ROBO1: variants seen among roughly 807,000 people sequenced by gnomAD.
ROBO1 encodes roundabout homolog 1.
In ROBO1, 149 loss-of-function variants were observed where a neutral mutation model predicts 195.9. The observed-to-expected ratio is 0.76, with a 90% CI of 0.67 to 0.87. ROBO1 has a LOEUF of 0.87. ROBO1 is among the 40% of genes least tolerant of loss of function. ROBO1 has a pLI of 0.00. For synonymous variants in ROBO1, 816 were observed against 733.2 expected (o/e 1.11, Z -1.82); for missense variants, 1,933 against 2,068.3 (o/e 0.93, Z 1.27).
rs1575913631 is a variant in ROBO1, at chr3:79,495,034, T to C, written c.88+94790A>G. On this transcript the variant is annotated intron_variant, in intron 2 of 30. Transcript: ENST00000464233. ...ATTGACAGATAGGTAGATAGATAGA[T>C]AGATAGATAATTTGTTTATTGCCTC... Among the ~76,000 whole-genome samples the C allele has an allele frequency of 2.0e-5, 3 of 152,054 alleles. No homozygotes were observed. The South Asian group carries it at 6.2e-4, about 32-fold the overall frequency.
intron 2 of ROBO1, among the ~76,000 whole-genome samples, chr3:79,392,004 G>A (rs758540381): frequency 6.6e-6 from 1 of 152,094 alleles, no homozygotes; most frequent in Non-Finnish European, 1.5e-5. Flanking sequence ...AGTTTAAGAC[G>A]AAATCATTAT....
chr3:79,106,522 T>A (rs1160514975), intron 3 of ROBO1, among the ~76,000 whole-genome samples: 2 of 151,644 alleles, frequency 1.3e-5, no homozygotes, highest in Admixed American at 6.6e-5. Context: ...ACTTTCCTCA[T>A]GTATTATATT....
chr3:78,664,443 A>G (rs186814800), intron 14 of ROBO1, among the ~76,000 whole-genome samples: 1 of 152,302 alleles, frequency 6.6e-6, no homozygotes, highest in Non-Finnish European at 1.5e-5. Context: ...CATAGTAACT[A>G]ACAATGGTAA....
intron 3 of ROBO1, among the ~76,000 whole-genome samples, chr3:79,040,219 A>G (rs918333063): frequency 1.2e-4 from 18 of 152,174 alleles, no homozygotes; most frequent in African/African-American, 4.1e-4. Flanking sequence ...CTTTCTCCAT[A>G]ATCTTCACTG....
At chr3:79,192,473 T>C (rs2081557176) in intron 2 of ROBO1, among the ~76,000 whole-genome samples, 1 of 151,652 alleles carries the variant, frequency 6.6e-6, no homozygotes, top group Non-Finnish European at 1.5e-5. Flanking sequence ...TGATGAAGAA[T>C]TCATCAGAAA....
At chr3:78,786,740 G>C (rs1348618920) in intron 4 of ROBO1, among the ~76,000 whole-genome samples, 1 of 152,038 alleles carries the variant, frequency 6.6e-6, no homozygotes, top group Non-Finnish European at 1.5e-5. Flanking sequence ...CCCCTCCTTT[G>C]CCTTCCACCA....
intron 4 of ROBO1, among the ~76,000 whole-genome samples, chr3:78,840,512 A>T (rs1352697327): frequency 6.6e-6 from 1 of 152,202 alleles, no homozygotes; most frequent in African/African-American, 2.4e-5. Context: ...AAGAGTACTC[A>T]TATTCACATT....
intron 2 of ROBO1, among the ~76,000 whole-genome samples, chr3:79,499,901 G>T (rs1939964728): frequency 6.6e-6 from 1 of 152,114 alleles, no homozygotes; most frequent in Non-Finnish European, 1.5e-5. Context: ...CCGCCTCCCT[G>T]GTTCAAGCAA....
At chr3:79,441,299 C>A (rs2039045878) in intron 2 of ROBO1, among the ~76,000 whole-genome samples, 2 of 152,070 alleles carry the variant, frequency 1.3e-5, no homozygotes, top group Non-Finnish European at 2.9e-5. Context: ...AATAACAGAT[C>A]AGTGAATGTT....
rs1328961251 is a variant in ROBO1 at position 79,080,086 on chromosome 3, A to C, written c.172+45370T>G. ...AGATGATAATGTTAGTGGTGTGTTCATAAAAGTGTTACAGGGTTGATACTA... is the reference window on the plus strand; with the variant it reads ...AGATGATAATGTTAGTGGTGTGTTCCTAAAAGTGTTACAGGGTTGATACTA... On this transcript the variant is annotated intron_variant, in intron 3 of 30. Coordinates refer to ENST00000464233, the MANE Select transcript of ROBO1 (RefSeq NM_002941.4). Among the ~76,000 whole-genome samples, 3 of 151,992 alleles carry C rather than the reference A, an allele frequency of 2.0e-5. No homozygotes were observed. In the East Asian group the frequency reaches 5.8e-4, roughly 29 times the overall value.
rs1317069825 is a variant in ROBO1 at position 78,879,197 on chromosome 3, G to A, written c.499+59404C>T. Reference sequence around the variant, plus strand: ...TTAATAAAGCATATAACTAAAAACTGGATGCAGATATTTATAACACAATGA... The same window carrying A: ...TTAATAAAGCATATAACTAAAAACTAGATGCAGATATTTATAACACAATGA... On this transcript the variant is annotated intron_variant, in intron 4 of 30. Coordinates refer to ENST00000464233, the MANE Select transcript of ROBO1 (RefSeq NM_002941.4). Among the ~76,000 whole-genome samples, 3 of 152,156 alleles carry A rather than the reference G, an allele frequency of 2.0e-5. No individual in the cohort carries two copies. The East Asian group carries it at 5.8e-4, about 29-fold the overall frequency.
At chr3:78,919,643 T>A (rs182279600) in intron 4 of ROBO1, among the ~76,000 whole-genome samples, 22 of 152,356 alleles carry the variant, frequency 1.4e-4, no homozygotes, top group Non-Finnish European at 2.8e-4. Flanking sequence ...CTGGTCATGT[T>A]ATTTTACAGG....
chr3:79,448,403 T>C (rs2039336583), intron 2 of ROBO1, among the ~76,000 whole-genome samples: 1 of 152,224 alleles, frequency 6.6e-6, no homozygotes, highest in African/African-American at 2.4e-5. Flanking sequence ...CTCAGTCTTT[T>C]TGGTAATTCT....
chr3:79,144,627 T>C (rs1232487760), intron 2 of ROBO1, among the ~76,000 whole-genome samples: 1 of 152,018 alleles, frequency 6.6e-6, no homozygotes, highest in Non-Finnish European at 1.5e-5. Context: ...GTAGGTCCTT[T>C]AGAAACACTG....
intron 2 of ROBO1, among the ~76,000 whole-genome samples, chr3:79,395,566 AT>A (rs2037126372): frequency 9.9e-5 from 15 of 152,018 alleles, no homozygotes; most frequent in Admixed American, 9.8e-4. Context: ...GTTGGAAGAT[AT>A]GAAGAAGAAA....
intron 4 of ROBO1, among the ~76,000 whole-genome samples, chr3:78,886,775 A>G: frequency 6.6e-6 from 1 of 152,322 alleles, no homozygotes; most frequent in Middle Eastern, 3.4e-3. Flanking sequence ...ATATGATTAT[A>G]CTTATACAAA....
intron 1 of ROBO1, among the ~76,000 whole-genome samples, chr3:79,671,039 G>GA (rs978102516): frequency 6.6e-6 from 1 of 151,544 alleles, no homozygotes; most frequent in East Asian, 1.9e-4. Context: ...TGAGAAAGTG[G>GA]AAAAAAAGCT....
chr3:79,020,640 C>G (rs912982953), intron 3 of ROBO1, among the ~76,000 whole-genome samples: 1 of 152,066 alleles, frequency 6.6e-6, no homozygotes, highest in Non-Finnish European at 1.5e-5. Flanking sequence ...TGCAGTGAGC[C>G]GAGATAACTT....
rs367940062 is a variant in ROBO1, at chr3:78,614,753, C to A, written c.4330G>T (p.Val1444Leu). Reference protein sequence around the residue: ...ASQCPRPTSPVSTDSNMSAAV... With the variant: ...ASQCPRPTSPLSTDSNMSAAV... ...GCACTCATGTTGCTGTCTGTAGACA[C>A]GGGACTTGTGGGCCTAGGGCACTGA... The change falls in exon 28 of 31, where the codon GTG becomes TTG. Residue 1444 changes from valine to leucine, a missense_variant. Physicochemically the swap from Val to Leu is conservative, Grantham distance 32. Transcript: ENST00000464233. The A allele has an allele frequency of 6.2e-7, 1 of 1,611,904 alleles. No individual in the cohort carries two copies. Among genetic ancestry groups the A allele is most frequent in the East Asian group, 2.2e-5 (1 of 44,758 alleles).
Sources: allele counts gnomAD v4.1 joint callset (sites outside exome capture counted in the v4.1 genomes callset), GRCh38; gene constraint gnomAD v4.1.1; transcripts MANE v1.5; gene names NCBI Gene and HGNC (gene_info 2026-07-23, HGNC 2026-07-21).